The following PCDHGB1 variants were observed in gnomAD, a reference collection of about 807,000 sequenced individuals.
The protein encoded by PCDHGB1 is protocadherin gamma-B1.
PCDHGB1 carries 34 observed loss-of-function variants against 56.6 expected under a neutral mutation model. The ratio of observed to expected loss-of-function variants is 0.60; its 90% CI spans 0.46 to 0.80. PCDHGB1 has a LOEUF of 0.80. Among genes scored for constraint, PCDHGB1 ranks in the 30% least tolerant of loss-of-function variants. PCDHGB1 has a pLI of 0.00. For synonymous variants in PCDHGB1, 561 were observed against 505.9 expected, an observed-to-expected ratio of 1.11 and a Z score of -1.46; for missense variants, 1,278 against 1,204.6, an observed-to-expected ratio of 1.06 and a Z score of -0.90.
rs774745752 is a variant in PCDHGB1, at chr5:141,360,510, T to G, written c.2409+7841T>G. ...TCTACATAGCAGTAATTGTGCAGGATATAAATGATAATACCCCGCTATTCA... is the reference window on the plus strand; with the variant it reads ...TCTACATAGCAGTAATTGTGCAGGAGATAAATGATAATACCCCGCTATTCA... On this transcript the variant is annotated intron_variant, in intron 1 of 3. Transcript: ENST00000523390. 3 of 1,613,972 alleles carry G rather than the reference T, an allele frequency of 1.9e-6. No individual in the cohort carries two copies. The South Asian group carries it at 3.3e-5, about 18-fold the overall frequency.
At chr5:141,399,732 G>C (rs1270192367) in intron 1 of PCDHGB1, 27 of 1,613,174 alleles carry the variant, frequency 1.7e-5, no homozygotes, top group Non-Finnish European at 2.0e-5. Context: ...ACCAGGGCTC[G>C]CCTGCGCTCA....
chr5:141,382,701 T>G, intron 1 of PCDHGB1: 2 of 460,044 alleles, frequency 4.3e-6, no homozygotes, highest in Non-Finnish European at 7.6e-6. Flanking sequence ...GTGCGAGAGA[T>G]CCCACAGAAA....
At chr5:141,434,980 CTA>C in intron 1 of PCDHGB1, among the ~76,000 whole-genome samples, 1 of 151,954 alleles carries the variant, frequency 6.6e-6, no homozygotes, top group East Asian at 1.9e-4. Flanking sequence ...TGTTAATACT[CTA>C]TATCATTTTC....
intron 1 of PCDHGB1, chr5:141,371,697 A>T (rs1002155350): frequency 6.2e-7 from 1 of 1,613,958 alleles, no homozygotes; most frequent in African/African-American, 1.3e-5. Context: ...GCTCTCCTCC[A>T]GCAAGACCAT....
At chr5:141,463,526 A>G (rs989086820) in intron 1 of PCDHGB1, among the ~76,000 whole-genome samples, 1 of 131,914 alleles carries the variant, frequency 7.6e-6, no homozygotes, top group Non-Finnish European at 1.5e-5. Flanking sequence ...TCGGCTTACT[A>G]GAAACTCCGG....
At chr5:141,385,488 T>C in intron 1 of PCDHGB1, 1 of 1,400,248 alleles carries the variant, frequency 7.1e-7, no homozygotes, top group Non-Finnish European at 9.3e-7. Context: ...ATAGAACACA[T>C]AGGATATAGT....
At chr5:141,383,559 G>C in intron 1 of PCDHGB1, 1 of 1,612,810 alleles carries the variant, frequency 6.2e-7, no homozygotes, top group Non-Finnish European at 8.5e-7. Context: ...GCGGCGACCC[G>C]CCCCGATCCA....
chr5:141,447,954 C>T (rs927510517), intron 1 of PCDHGB1, among the ~76,000 whole-genome samples: 11 of 151,814 alleles, frequency 7.2e-5, no homozygotes, highest in Non-Finnish European at 1.2e-4. Flanking sequence ...GGCATGGTGG[C>T]GGACACCTAT....
rs73794918 is a variant in PCDHGB1, at chr5:141,443,711, A to G, written c.2410-51096A>G. On this transcript the variant is annotated intron_variant, in intron 1 of 3. Coordinates refer to ENST00000523390, the MANE Select transcript of PCDHGB1 (RefSeq NM_018922.3). ...TCAAAAATTATAGAATAACATTTGC[A>G]TATAAAATTCCTCATACATTTCCCT... 9.8e-3 allele frequency among the ~76,000 whole-genome samples: 1,497 copies of G among 152,340 alleles called. 25 individuals are homozygous for G. Among genetic ancestry groups the G allele is most frequent in the African/African-American group, 0.033 (1,382 of 41,580 alleles).
At position 141,352,480 on chromosome 5, in the gene PCDHGB1, C is replaced by G. The variant is rs973074211; in HGVS notation, c.2220C>G (p.Ser740Arg). 1 of 1,614,012 alleles carries G rather than the reference C, an allele frequency of 6.2e-7. No individual in the cohort carries two copies. Among genetic ancestry groups the G allele is most frequent in the East Asian group, 2.2e-5 (1 of 44,882 alleles). ...GGCCCGGGGTTCCTCCCAACCACAG[C>G]GAGGGGACTTTGCCCTATTCCTACA... ...KSGPGVPPNH[S>R]EGTLPYSYNL... is the part of the protein sequence containing the mutation. Residue 740 changes from serine to arginine, a missense_variant, in exon 1 of 4, where the codon AGC becomes AGG. Ser to Arg is a moderately radical substitution (Grantham distance 110, BLOSUM62 -1). Coordinates refer to ENST00000523390, the MANE Select transcript of PCDHGB1 (RefSeq NM_018922.3).
intron 1 of PCDHGB1, among the ~76,000 whole-genome samples, chr5:141,437,723 G>A (rs2097904411): frequency 6.6e-6 from 1 of 150,736 alleles, no homozygotes; most frequent in South Asian, 2.1e-4. Context: ...ACCCTCTAAT[G>A]TTACACTTTG....
chr5:141,367,006 C>A (rs1157671027), intron 1 of PCDHGB1: 2 of 429,920 alleles, frequency 4.7e-6, no homozygotes, highest in Non-Finnish European at 4.0e-6. Flanking sequence ...ATCATTTTAC[C>A]CAAATATTTT....
intron 1 of PCDHGB1, among the ~76,000 whole-genome samples, chr5:141,445,746 TA>T (rs1486411811): frequency 2.0e-5 from 3 of 152,028 alleles, no homozygotes; most frequent in Non-Finnish European, 4.4e-5. Flanking sequence ...TTTTAAAAAA[TA>T]AAAGGTGTGA....
At position 141,487,547 on chromosome 5, in the gene PCDHGB1, A is replaced by G. The variant is rs2099649592; in HGVS notation, c.2410-7260A>G. On this transcript the variant is annotated intron_variant, in intron 1 of 3. Coordinates refer to ENST00000523390, the MANE Select transcript of PCDHGB1 (RefSeq NM_018922.3). The surrounding 1 kb of genome is among the most constrained non-coding windows in gnomAD (Gnocchi z 5.0). ...TAGCTTCATGATGGTGAAGTCACCC[A>G]GTGCACCTATGGCAGGGGAGCCTGT... 2 of 1,614,216 alleles carry G rather than the reference A, an allele frequency of 1.2e-6. No individual in the cohort carries two copies. Among genetic ancestry groups the G allele is most frequent in the Non-Finnish European group, 8.5e-7 (1 of 1,180,046 alleles).
chr5:141,420,910 G>T, intron 1 of PCDHGB1: 1 of 311,900 alleles, frequency 3.2e-6, no homozygotes, highest in South Asian at 7.0e-5. Context: ...ACAAATACGT[G>T]TGATTCACAA....
At chr5:141,457,940 T>G (rs541807221) in intron 1 of PCDHGB1, among the ~76,000 whole-genome samples, 2 of 152,356 alleles carry the variant, frequency 1.3e-5, no homozygotes, top group East Asian at 3.9e-4. Flanking sequence ...TTTTATTGGC[T>G]CTGCATGTCA....
intron 2 of PCDHGB1, among the ~76,000 whole-genome samples, chr5:141,504,563 C>G (rs1036149640): frequency 3.3e-5 from 5 of 149,436 alleles, no homozygotes; most frequent in African/African-American, 1.2e-4. Context: ...GACTGGCATT[C>G]TAGGGAACAC....
At chr5:141,364,873 T>A (rs1002059027) in intron 1 of PCDHGB1, 1 of 1,613,852 alleles carries the variant, frequency 6.2e-7, no homozygotes, top group Non-Finnish European at 8.5e-7. Flanking sequence ...TCTCTCTGGA[T>A]GTGGTAAGCG....
At position 141,350,398 on chromosome 5, in the gene PCDHGB1, G is replaced by A. The variant is rs1056572833; in HGVS notation, c.138G>A (p.Gly46=). ...AGCTAGCCAACGGCTCACGGGTGGGGAAACTTGCCAAGGATCTGGGGCTCA... is the reference window on the plus strand; with the variant it reads ...AGCTAGCCAACGGCTCACGGGTGGGAAAACTTGCCAAGGATCTGGGGCTCA... The part of the protein sequence containing the change: ...PEELANGSRV[G]KLAKDLGLSV... Residue 46 remains glycine, a synonymous_variant, in exon 1 of 4, where the codon GGG becomes GGA. Coordinates refer to ENST00000523390, the MANE Select transcript of PCDHGB1 (RefSeq NM_018922.3). 2 of 1,599,976 alleles carry A rather than the reference G, an allele frequency of 1.3e-6. No homozygotes were observed. Among genetic ancestry groups the A allele is most frequent in the Non-Finnish European group, 1.7e-6 (2 of 1,170,520 alleles).
Sources: allele counts gnomAD v4.1 joint callset (sites outside exome capture counted in the v4.1 genomes callset), GRCh38; gene constraint gnomAD v4.1.1; non-coding constraint Gnocchi (gnomAD v3.1); transcripts MANE v1.5; gene names NCBI Gene and HGNC (gene_info 2026-07-23, HGNC 2026-07-21).